FAT3: variants seen among roughly 807,000 people sequenced by gnomAD.
FAT3 encodes the protein protocadherin Fat 3.
A neutral mutation model predicts 310.2 loss-of-function variants in FAT3; 95 were observed. The observed-to-expected ratio is 0.31, with a 90% CI of 0.26 to 0.36. The LOEUF (loss-of-function observed/expected upper bound fraction) is 0.36, where lower values mean the gene tolerates loss of function less well. Among genes scored for constraint, FAT3 ranks in the 10% least tolerant of loss-of-function variants. The probability of loss-of-function intolerance (pLI) is 1.00; values close to 1 mark genes in which losing one functional copy is unlikely to be tolerated. For synonymous variants in FAT3, 2,314 were observed against 2,192.9 expected (o/e 1.06, Z -1.54); for missense variants, 5,408 against 5,715.6 (o/e 0.95, Z 1.74).
intron 3 of FAT3, among the ~76,000 whole-genome samples, chr11:92,634,216 G>T (rs1368491439): frequency 2.0e-5 from 3 of 152,178 alleles, no homozygotes; most frequent in Non-Finnish European, 4.4e-5. Context: ...TCTGTGTTGA[G>T]GTTCTGACCT....
At chr11:92,601,127 T>C (rs745995372) in intron 3 of FAT3, among the ~76,000 whole-genome samples, 33 of 151,856 alleles carry the variant, frequency 2.2e-4, no homozygotes, top group South Asian at 4.2e-4. Context: ...TTTTTTTTTT[T>C]AAGTGGGGAG....
intron 2 of FAT3, among the ~76,000 whole-genome samples, chr11:92,436,287 G>A (rs558635685): frequency 1.3e-5 from 2 of 151,938 alleles, no homozygotes; most frequent in African/African-American, 2.4e-5. Flanking sequence ...CTACAGACAT[G>A]TGCCACCATG....
chr11:92,518,152 TC>T (rs1953550719), intron 2 of FAT3, among the ~76,000 whole-genome samples: 1 of 152,082 alleles, frequency 6.6e-6, no homozygotes, highest in African/African-American at 2.4e-5. Flanking sequence ...TACCCAGCAA[TC>T]CCATTACTGT....
chr11:92,315,535 A>ATT (rs1947433424), intron 1 of FAT3, among the ~76,000 whole-genome samples: 1 of 143,324 alleles, frequency 7.0e-6, no homozygotes, highest in African/African-American at 2.6e-5. Flanking sequence ...AGAGAGAGAG[A>ATT]GAGAGAGAGA....
At chr11:92,513,591 A>C (rs1243338067) in intron 2 of FAT3, among the ~76,000 whole-genome samples, 2 of 152,162 alleles carry the variant, frequency 1.3e-5, no homozygotes, top group South Asian at 2.1e-4. Context: ...GGAACTCTCT[A>C]TATATTTCTT....
chr11:92,235,110 C>T (rs1368761982), intron 1 of FAT3, among the ~76,000 whole-genome samples: 2 of 151,940 alleles, frequency 1.3e-5, no homozygotes, highest in African/African-American at 4.8e-5. Flanking sequence ...AGGGCCAGGC[C>T]AGTCCAACCC....
At chr11:92,281,435 A>C (rs907054901) in intron 1 of FAT3, among the ~76,000 whole-genome samples, 3 of 152,166 alleles carry the variant, frequency 2.0e-5, no homozygotes, top group Non-Finnish European at 4.4e-5. Context: ...GAGTTCAAGG[A>C]TCTGGCTACC....
intron 1 of FAT3, among the ~76,000 whole-genome samples, chr11:92,313,748 C>T (rs952022330): frequency 9.2e-5 from 14 of 152,222 alleles, no homozygotes; most frequent in African/African-American, 2.6e-4. Context: ...TTAGTAGAGA[C>T]GGGGTTTCAC....
chr11:92,643,709 A>G (rs518735), intron 3 of FAT3, among the ~76,000 whole-genome samples: 87,384 of 152,144 alleles, frequency 0.57, 26,831 homozygotes, highest in African/African-American at 0.8. Context: ...ATCACTGCCC[A>G]TAAACACCCC....
intron 3 of FAT3, among the ~76,000 whole-genome samples, chr11:92,548,546 T>C (rs1954694390): frequency 6.6e-6 from 1 of 152,226 alleles, no homozygotes; most frequent in Non-Finnish European, 1.5e-5. Context: ...GCCTTTTCCC[T>C]GAACTGATGA....
intron 2 of FAT3, among the ~76,000 whole-genome samples, chr11:92,515,260 A>G (rs972821442): frequency 6.6e-6 from 1 of 152,134 alleles, no homozygotes; most frequent in African/African-American, 2.4e-5. Context: ...GGTTATGAAT[A>G]TGTCACAGAC....
chr11:92,636,115 A>C (rs1359955756), intron 3 of FAT3, among the ~76,000 whole-genome samples: 1 of 152,032 alleles, frequency 6.6e-6, no homozygotes, highest in East Asian at 1.9e-4. Context: ...AGGTGGGTGC[A>C]ACCACGCCTG....
chr11:92,716,008 G>A (rs1043150237), intron 4 of FAT3, among the ~76,000 whole-genome samples: 1 of 152,132 alleles, frequency 6.6e-6, no homozygotes, highest in East Asian at 1.9e-4. Flanking sequence ...AGGTTTTTGA[G>A]CAGGATGGTG....
intron 3 of FAT3, among the ~76,000 whole-genome samples, chr11:92,621,302 G>T (rs1025830269): frequency 2.0e-5 from 3 of 152,170 alleles, no homozygotes; most frequent in African/African-American, 4.8e-5. Flanking sequence ...AGGAGTAGGA[G>T]AATTATTTAT....
intron 19 of FAT3, among the ~76,000 whole-genome samples, chr11:92,855,720 C>T (rs950406098): frequency 1.3e-5 from 2 of 152,106 alleles, no homozygotes; most frequent in African/African-American, 4.8e-5. Context: ...TATTATAGAA[C>T]CATTTGTACA....
chr11:92,347,744 T>C (rs1048960758), intron 1 of FAT3, among the ~76,000 whole-genome samples: 1 of 152,158 alleles, frequency 6.6e-6, no homozygotes, highest in Non-Finnish European at 1.5e-5. Flanking sequence ...AATAAATGTC[T>C]CAAAGATTGA....
intron 3 of FAT3, among the ~76,000 whole-genome samples, chr11:92,531,999 G>A (rs1954093113): frequency 6.6e-6 from 1 of 152,072 alleles, no homozygotes; most frequent in Non-Finnish European, 1.5e-5. Flanking sequence ...GGGAGGAACT[G>A]CCCCCATTGA....
intron 4 of FAT3, among the ~76,000 whole-genome samples, chr11:92,702,801 G>A (rs1239243669): frequency 6.6e-6 from 1 of 152,142 alleles, no homozygotes; most frequent in Non-Finnish European, 1.5e-5. Flanking sequence ...TGTGTTCAGG[G>A]CTGGATGGTT....
At chr11:92,469,853 C>G (rs982841800) in intron 2 of FAT3, among the ~76,000 whole-genome samples, 2 of 151,798 alleles carry the variant, frequency 1.3e-5, no homozygotes, top group Non-Finnish European at 2.9e-5. Flanking sequence ...ATACACTAAA[C>G]AGAAAAAGTA....
Sources: gnomAD v4.1 joint callset for allele counts (sites outside exome capture counted in the v4.1 genomes callset) on GRCh38, gnomAD v4.1.1 for gene constraint, MANE v1.5 for transcripts, NCBI Gene and HGNC (gene_info 2026-07-23, HGNC 2026-07-21) for gene names.